Variants in SRD5A2 observed in about 807,000 individuals in gnomAD.
The protein encoded by SRD5A2 is 3-oxo-5-alpha-steroid 4-dehydrogenase 2.
In SRD5A2, 30 loss-of-function variants were observed where a neutral mutation model predicts 27.4. The ratio of observed to expected loss-of-function variants is 1.10; its 90% confidence interval spans 0.82 to 1.49. The LOEUF (loss-of-function observed/expected upper bound fraction) is 1.49. SRD5A2 is among the 40% of genes most tolerant of loss of function. The probability of loss-of-function intolerance (pLI) is 0.00; values close to 1 mark genes in which losing one functional copy is unlikely to be tolerated. For missense variants in SRD5A2, 348 were observed against 323.4 expected, an observed-to-expected ratio of 1.08 and a Z score of -0.58; for synonymous variants, 141 against 133.6, an observed-to-expected ratio of 1.06 and a Z score of -0.38.
At chr2:31,653,636 A>T in the SRD5A2 span, among the ~76,000 whole-genome samples, 1 of 152,182 alleles carries the variant, frequency 6.6e-6, no homozygotes, top group South Asian at 2.1e-4. Flanking sequence ...GAGAATGAGT[A>T]GAATAAAATA....
At chr2:31,649,142 C>T in the SRD5A2 span, among the ~76,000 whole-genome samples, 3 of 152,300 alleles carry the variant, frequency 2.0e-5, no homozygotes, top group African/African-American at 7.2e-5. Context: ...GAGTGGATAA[C>T]TGGTTAGCAG....
rs534530043 is a variant in SRD5A2 at position 31,571,009 on chromosome 2, T to C, written c.281+9611A>G. ...CTACTGATGACATTCTTCACAGAAT[T>C]AGAAAAAAACTATTTTAAAATTCAT... On this transcript the variant is annotated intron_variant, in intron 1 of 4. Transcript: ENST00000622030. Among the ~76,000 whole-genome samples the C allele has an allele frequency of 2.1e-3, 325 of 152,244 alleles. 3 individuals are homozygous for C. The highest frequency in any genetic ancestry group is 7.4e-3 in the African/African-American group (309 of 41,542).
chr2:31,614,981 AC>A, the SRD5A2 span, among the ~76,000 whole-genome samples: 3 of 149,676 alleles, frequency 2.0e-5, no homozygotes, highest in Non-Finnish European at 4.5e-5. Context: ...ATAAAGGGAA[AC>A]CCCCTTCACT....
chr2:31,594,371 A>C, the SRD5A2 span, among the ~76,000 whole-genome samples: 5 of 152,170 alleles, frequency 3.3e-5, no homozygotes, highest in Non-Finnish European at 5.9e-5. Context: ...ATTCCATGCA[A>C]ATGGAAACCA....
At chr2:31,623,267 TC>T in the SRD5A2 span, among the ~76,000 whole-genome samples, 1 of 152,078 alleles carries the variant, frequency 6.6e-6, no homozygotes, top group East Asian at 1.9e-4. Flanking sequence ...TTGTCTAACA[TC>T]ATTTCCATAC....
chr2:31,540,334 T>C (rs942918495), intron 1 of SRD5A2, among the ~76,000 whole-genome samples: 1 of 152,092 alleles, frequency 6.6e-6, no homozygotes, highest in African/African-American at 2.4e-5. Flanking sequence ...CATTAATACA[T>C]TAATAAATCC....
chr2:31,568,849 G>A (rs939743435), intron 1 of SRD5A2, among the ~76,000 whole-genome samples: 1 of 152,232 alleles, frequency 6.6e-6, no homozygotes, highest in Admixed American at 6.5e-5. Flanking sequence ...GGGCCAAGGC[G>A]GCAGGGGGCT....
intron 1 of SRD5A2, among the ~76,000 whole-genome samples, chr2:31,559,779 A>G (rs540845434): frequency 6.6e-6 from 1 of 152,066 alleles, no homozygotes; most frequent in South Asian, 2.1e-4. Context: ...ACAAAAATTT[A>G]TCTATGAACT....
chr2:31,597,067 G>C, the SRD5A2 span, among the ~76,000 whole-genome samples: 1 of 152,048 alleles, frequency 6.6e-6, no homozygotes, highest in East Asian at 1.9e-4. Flanking sequence ...CAAGTCTGGA[G>C]GCATCACATT....
chr2:31,650,599 C>G, the SRD5A2 span, among the ~76,000 whole-genome samples: 1 of 152,166 alleles, frequency 6.6e-6, no homozygotes, highest in African/African-American at 2.4e-5. Context: ...TCACTTCCAC[C>G]ATATAAAATT....
intron 1 of SRD5A2, among the ~76,000 whole-genome samples, chr2:31,538,449 C>G (rs1211062849): frequency 6.6e-6 from 1 of 152,130 alleles, no homozygotes; most frequent in African/African-American, 2.4e-5. Flanking sequence ...CTCATTAAAC[C>G]TCTCCCGGGT....
At chr2:31,601,358 A>G in the SRD5A2 span, among the ~76,000 whole-genome samples, 25 of 152,094 alleles carry the variant, frequency 1.6e-4, no homozygotes, top group Non-Finnish European at 2.6e-4. Context: ...CCCTTCCAAG[A>G]CTGAACCAGA....
At chr2:31,544,205 T>C (rs779863619) in intron 1 of SRD5A2, among the ~76,000 whole-genome samples, 3 of 152,010 alleles carry the variant, frequency 2.0e-5, no homozygotes, top group South Asian at 2.1e-4. Flanking sequence ...AACTTCAGAA[T>C]TGAAGTAAAA....
At chr2:31,642,329 CTGACCAAGTACTTTT>C in the SRD5A2 span, among the ~76,000 whole-genome samples, 1 of 152,006 alleles carries the variant, frequency 6.6e-6, no homozygotes, top group East Asian at 1.9e-4. Flanking sequence ...TTTGACCTTT[CTGACCAAGTACTTTT>C]TGACCAAGTC....
At chr2:31,653,663 T>C in the SRD5A2 span, among the ~76,000 whole-genome samples, 1 of 151,880 alleles carries the variant, frequency 6.6e-6, no homozygotes, top group Admixed American at 6.6e-5. Context: ...AAACTCCAAT[T>C]TTTTTTTCTT....
the SRD5A2 span, among the ~76,000 whole-genome samples, chr2:31,603,623 G>A: frequency 6.6e-6 from 1 of 151,920 alleles, no homozygotes; most frequent in African/African-American, 2.4e-5. Flanking sequence ...ATTCACAATA[G>A]CAAAGACATG....
Position 31,557,306 on chromosome 2 carries a change from T to C in SRD5A2, c.281+23314A>G, listed in dbSNP as rs557388106. 3.3e-5 allele frequency among the ~76,000 whole-genome samples: 5 copies of C among 152,370 alleles called. No homozygotes were observed. In the East Asian group the frequency reaches 9.6e-4, roughly 29 times the overall value. Reference sequence around the variant, plus strand: ...TAAGGGTTCCCCCAGATGATTTTAATGTGCAGCCAGGTTAAAAGCCAATGA... The same window carrying C: ...TAAGGGTTCCCCCAGATGATTTTAACGTGCAGCCAGGTTAAAAGCCAATGA... On this transcript the variant is annotated intron_variant, in intron 1 of 4. Coordinates refer to ENST00000622030, the MANE Select transcript of SRD5A2 (RefSeq NM_000348.4).
the SRD5A2 span, among the ~76,000 whole-genome samples, chr2:31,610,275 C>CA: frequency 2.0e-5 from 3 of 151,492 alleles, no homozygotes; most frequent in African/African-American, 4.8e-5. Context: ...TCTCAACAAC[C>CA]AAAAAAAAGC....
the SRD5A2 span, among the ~76,000 whole-genome samples, chr2:31,613,978 GA>G: frequency 2.3e-4 from 35 of 152,194 alleles, no homozygotes; most frequent in African/African-American, 7.5e-4. Flanking sequence ...GACATGTGGG[GA>G]TGATTACAAT....
Sources: allele counts gnomAD v4.1 joint callset (sites outside exome capture counted in the v4.1 genomes callset), GRCh38; gene constraint gnomAD v4.1.1; transcripts MANE v1.5; gene names NCBI Gene and HGNC (gene_info 2026-07-23, HGNC 2026-07-21).